Variants in DGKI observed in about 807,000 individuals in gnomAD.
The protein encoded by DGKI is DAG kinase iota.
A neutral mutation model predicts 147.5 loss-of-function variants in DGKI; 55 were observed. The ratio of observed to expected loss-of-function variants is 0.37; its 90% CI spans 0.30 to 0.47. The LOEUF is 0.47. Ranked by LOEUF, DGKI falls within the 20% of genes least tolerant of loss-of-function variation. The pLI, the probability that DGKI is intolerant of heterozygous loss-of-function variation, is 1.00. For synonymous variants in DGKI, 469 were observed against 477.1 expected (o/e 0.98, Z 0.22); for missense variants, 1,007 against 1,323.8 (o/e 0.76, Z 3.71).
At chr7:137,780,657 G>A (rs1796491120) in intron 1 of DGKI, among the ~76,000 whole-genome samples, 1 of 152,072 alleles carries the variant, frequency 6.6e-6, no homozygotes, top group Non-Finnish European at 1.5e-5. Flanking sequence ...TTTCTAAATG[G>A]GGGTAGAAAA....
At chr7:137,722,902 A>AG in intron 1 of DGKI, 1 of 755,762 alleles carries the variant, frequency 1.3e-6, no homozygotes, top group South Asian at 1.8e-5. Context: ...AAAAAAAAAA[A>AG]AGTATAGCAT....
chr7:137,599,577 A>T (rs1335807475), intron 11 of DGKI, among the ~76,000 whole-genome samples: 1 of 152,230 alleles, frequency 6.6e-6, no homozygotes, highest in Non-Finnish European at 1.5e-5. Flanking sequence ...ACAGTTACAC[A>T]TACGTAAGTA....
chr7:137,530,367 T>C (rs763235693), intron 20 of DGKI, among the ~76,000 whole-genome samples: 15 of 152,176 alleles, frequency 9.9e-5, no homozygotes, highest in Non-Finnish European at 1.8e-4. Flanking sequence ...ATCTTTCAAA[T>C]ACGTATGCTT....
At position 137,846,161 on chromosome 7, in the gene DGKI, T is replaced by TCTCTCTCTCACA. The variant is rs781580130; in HGVS notation, c.401+300_401+301insTGTGAGAGAGAG. Among the ~76,000 whole-genome samples the TCTCTCTCTCACA allele has an allele frequency of 3.9e-3, 418 of 108,168 alleles. No individual in the cohort carries two copies. Among genetic ancestry groups the TCTCTCTCTCACA allele is most frequent in the East Asian group, 0.011 (38 of 3,560 alleles). The allele number at this position is 108,168 out of a possible 152,430, so 71.0% of individuals were successfully genotyped here. On this transcript the variant is annotated intron_variant, in intron 1 of 32. Transcript: ENST00000614521. This position sits in a 1 kb window ranked among gnomAD's most constrained non-coding sequence, Gnocchi z 4.0. ...CTCTCTCTCTCTCTCTCTCTCTCTC[T>TCTCTCTCTCACA]CACACACACACACACACACACACAC... is the stretch of plus-strand genomic sequence containing the variant.
At chr7:137,424,960 G>A (rs1256270155) in intron 28 of DGKI, among the ~76,000 whole-genome samples, 1 of 152,238 alleles carries the variant, frequency 6.6e-6, no homozygotes, top group Non-Finnish European at 1.5e-5. Flanking sequence ...TCTGGGTGCA[G>A]GGCACAGACA....
intron 1 of DGKI, among the ~76,000 whole-genome samples, chr7:137,730,386 A>T (rs1462667344): frequency 6.6e-6 from 1 of 152,010 alleles, no homozygotes; most frequent in Non-Finnish European, 1.5e-5. Flanking sequence ...CTCATGCCTC[A>T]TTCTCATCAC....
intron 28 of DGKI, among the ~76,000 whole-genome samples, chr7:137,426,029 G>C (rs1174238381): frequency 6.6e-6 from 1 of 152,124 alleles, no homozygotes; most frequent in African/African-American, 2.4e-5. Context: ...CCAACATTCA[G>C]ACTCAGGAAA....
chr7:137,415,087 CTG>C (rs1248677936), intron 28 of DGKI, among the ~76,000 whole-genome samples: 1 of 152,068 alleles, frequency 6.6e-6, no homozygotes, highest in East Asian at 1.9e-4. Context: ...AGACATATCT[CTG>C]TTAATATAGA....
Position 137,383,168 on chromosome 7 carries a change from T to A in DGKI, c.*8052A>T, listed in dbSNP as rs1282595299. 2 of 151,900 alleles carry A rather than the reference T, an allele frequency of 1.3e-5. No individual in the cohort carries two copies. The highest frequency in any genetic ancestry group is 4.8e-5 in the African/African-American group (2 of 41,412). 9.4% of individuals were successfully genotyped at this position (151,900 alleles called of 1,614,324 possible). A position where few individuals can be genotyped will look rare whatever the true frequency, so the allele number is the denominator to read the frequency against. ...TTGACTCCTGAATCTGTGACCTTTT[T>A]GCTTTAGTAGAAACATATCTTTTTT... is the stretch of plus-strand genomic sequence containing the variant. On this transcript the variant is annotated 3_prime_UTR_variant, in exon 33 of 33. Coordinates refer to ENST00000614521, the MANE Select transcript of DGKI (RefSeq NM_001321708.2).
intron 1 of DGKI, chr7:137,772,261 T>C (rs920400225): frequency 6.6e-6 from 1 of 152,216 alleles, no homozygotes; most frequent in Non-Finnish European, 1.5e-5. Flanking sequence ...AGGAAGATAC[T>C]TAACTCCATG....
At chr7:137,747,173 T>C (rs973491780) in intron 1 of DGKI, among the ~76,000 whole-genome samples, 1 of 152,134 alleles carries the variant, frequency 6.6e-6, no homozygotes, top group Non-Finnish European at 1.5e-5. Context: ...AAGTTACTAT[T>C]ATTCACCTCT....
At chr7:137,606,305 A>C (rs1339992495) in intron 10 of DGKI, among the ~76,000 whole-genome samples, 2 of 152,118 alleles carry the variant, frequency 1.3e-5, no homozygotes, top group Non-Finnish European at 2.9e-5. Flanking sequence ...GCAAGTTAAA[A>C]ATTTTTTAAA....
At chr7:137,675,072 G>C (rs1822983642) in intron 3 of DGKI, among the ~76,000 whole-genome samples, 2 of 152,256 alleles carry the variant, frequency 1.3e-5, no homozygotes, top group Middle Eastern at 3.4e-3. Context: ...ATAAATACAT[G>C]ATCTGCTTAT....
In DGKI at chr7:137,646,701, T is replaced by A. The variant is rs147186551; in HGVS notation, c.739-1164A>T. On this transcript the variant is annotated intron_variant, in intron 5 of 32. Coordinates refer to ENST00000614521, the MANE Select transcript of DGKI (RefSeq NM_001321708.2). ...ACATGTCTATTGTAGGGTCTAGCCA[T>A]AACCCTTATTTTCTCTTTAAAAACC... Among the ~76,000 whole-genome samples the A allele has an allele frequency of 3.8e-3, 582 of 152,356 alleles. 2 individuals are homozygous for A. Among genetic ancestry groups the A allele is most frequent in the South Asian group, 0.015 (74 of 4,832 alleles).
intron 1 of DGKI, among the ~76,000 whole-genome samples, chr7:137,690,368 C>A (rs1333701404): frequency 6.6e-6 from 1 of 152,140 alleles, no homozygotes; most frequent in Non-Finnish European, 1.5e-5. Flanking sequence ...AGATTGCCAG[C>A]GACTAAAAGC....
chr7:137,436,831 G>A (rs150030743), intron 28 of DGKI, among the ~76,000 whole-genome samples: 9 of 150,754 alleles, frequency 6.0e-5, no homozygotes, highest in East Asian at 3.9e-4. Context: ...TCATAAATAC[G>A]ATATTGATTT....
At chr7:137,799,411 GC>G (rs891070196) in intron 1 of DGKI, among the ~76,000 whole-genome samples, 5 of 152,088 alleles carry the variant, frequency 3.3e-5, no homozygotes, top group African/African-American at 1.2e-4. Flanking sequence ...TTAAAAGATT[GC>G]CAAGAAAGTA....
intron 8 of DGKI, among the ~76,000 whole-genome samples, chr7:137,619,135 C>T (rs545460090): frequency 1.1e-4 from 17 of 152,164 alleles, no homozygotes; most frequent in African/African-American, 3.9e-4. Context: ...CATCCCATAA[C>T]TTGAAGCTAA....
chr7:137,846,426 G>A lies in DGKI; in HGVS notation c.401+36C>T, dbSNP rs760046464. The A allele has an allele frequency of 6.6e-7, 1 of 1,511,958 alleles. No homozygotes were observed. The highest frequency in any genetic ancestry group is 1.8e-5 in the Admixed American group (1 of 57,042). The allele number at this position is 1,511,958 out of a possible 1,614,324, so 93.7% of individuals were successfully genotyped here. On this transcript the variant is annotated intron_variant, in intron 1 of 32. Coordinates refer to ENST00000614521, the MANE Select transcript of DGKI (RefSeq NM_001321708.2). The surrounding 1 kb of genome is among the most constrained non-coding windows in gnomAD (Gnocchi z 4.0). ...GTAGAAGAGTGGGTCTCCCGCCGCG[G>A]CGCACCTGTCTCGGCTGCCGGCTCC... is the stretch of plus-strand genomic sequence containing the variant.
Sources: gnomAD v4.1 joint callset for allele counts (sites outside exome capture counted in the v4.1 genomes callset) on GRCh38, gnomAD v4.1.1 for gene constraint, Gnocchi (gnomAD v3.1) non-coding constraint, MANE v1.5 for transcripts, NCBI Gene and HGNC (gene_info 2026-07-23, HGNC 2026-07-21) for gene names.